The following BCAR3 variants were observed in gnomAD, a reference collection of about 807,000 sequenced individuals.
The protein encoded by BCAR3 is breast cancer anti-estrogen resistance protein 3.
BCAR3 carries 37 observed loss-of-function variants against 80.1 expected under a neutral mutation model. That is an observed-to-expected ratio of 0.46 (90% CI 0.36 to 0.61). The LOEUF (loss-of-function observed/expected upper bound fraction) is 0.61, where lower values mean the gene tolerates loss of function less well. Among genes scored for constraint, BCAR3 ranks in the 20% least tolerant of loss-of-function variants. BCAR3 has a pLI of 0.00. For missense variants in BCAR3, 978 were observed against 1,068.2 expected, an observed-to-expected ratio of 0.92 and a Z score of 1.18; for synonymous variants, 389 against 418.9, an observed-to-expected ratio of 0.93 and a Z score of 0.87.
At chr1:93,836,458 A>G (rs1034512551) in intron 2 of BCAR3, among the ~76,000 whole-genome samples, 5 of 151,460 alleles carry the variant, frequency 3.3e-5, no homozygotes, top group African/African-American at 1.2e-4. Flanking sequence ...GCCATCACCA[A>G]TCATTCTATA....
At chr1:93,842,448 G>T (rs1274615666) in intron 2 of BCAR3, among the ~76,000 whole-genome samples, 2 of 152,068 alleles carry the variant, frequency 1.3e-5, no homozygotes, top group African/African-American at 2.4e-5. Flanking sequence ...TACCTACCAC[G>T]CCTGGACTAT....
chr1:93,645,004 G>A (rs79397437), intron 2 of BCAR3, among the ~76,000 whole-genome samples: 1,862 of 152,246 alleles, frequency 0.012, 41 homozygotes, highest in African/African-American at 0.043. Flanking sequence ...GCATATTTGC[G>A]TGAGAAACTG....
At chr1:93,570,293 G>C (rs1008605316) in intron 9 of BCAR3, among the ~76,000 whole-genome samples, 2 of 152,202 alleles carry the variant, frequency 1.3e-5, no homozygotes, top group African/African-American at 4.8e-5. Flanking sequence ...ATTTCAGTGA[G>C]TACCTGGCAG....
intron 11 of BCAR3, 101 bp from the exon 12 acceptor site, chr1:93,562,520 A>G: frequency 1.8e-6 from 2 of 1,119,286 alleles, no homozygotes; most frequent in South Asian, 3.2e-5. Context: ...CTGTAATCCC[A>G]GCACTTTGGG....
chr1:93,799,040 A>G (rs17110498), intron 2 of BCAR3, among the ~76,000 whole-genome samples: 19,132 of 152,192 alleles, frequency 0.13, 1,803 homozygotes, highest in African/African-American at 0.25. Flanking sequence ...ATGTGAATTC[A>G]AAAAAGCTTC....
intron 2 of BCAR3, among the ~76,000 whole-genome samples, chr1:93,827,043 A>C (rs1654396859): frequency 6.6e-6 from 1 of 152,146 alleles, no homozygotes; most frequent in African/African-American, 2.4e-5. Context: ...AGGGACTGTG[A>C]CCTATTTGTT....
At chr1:93,648,652 C>T (rs1297187328) in intron 2 of BCAR3, 1 of 152,196 alleles carries the variant, frequency 6.6e-6, no homozygotes, top group Non-Finnish European at 1.5e-5. Flanking sequence ...TGTGATTAAA[C>T]CTTCCTAATT....
chr1:93,683,088 A>G (rs181318042), upstream of BCAR3, among the ~76,000 whole-genome samples: 1 of 152,220 alleles, frequency 6.6e-6, no homozygotes. Context: ...TGCAACACAT[A>G]CATCCAAAAA....
chr1:93,779,469 TGAA>T (rs1652694117), intron 2 of BCAR3, among the ~76,000 whole-genome samples: 1 of 151,972 alleles, frequency 6.6e-6, no homozygotes, highest in Non-Finnish European at 1.5e-5. Flanking sequence ...ATAAGTAAAA[TGAA>T]GAAAAATAAA....
At chr1:93,739,131 C>T (rs959351079) in intron 2 of BCAR3, among the ~76,000 whole-genome samples, 5 of 152,180 alleles carry the variant, frequency 3.3e-5, no homozygotes, top group Admixed American at 6.5e-5. Context: ...GGGTTTCAAG[C>T]GGTACAACTG....
At chr1:93,838,463 C>T (rs1292545980) in intron 2 of BCAR3, among the ~76,000 whole-genome samples, 1 of 152,162 alleles carries the variant, frequency 6.6e-6, no homozygotes, top group East Asian at 1.9e-4. Flanking sequence ...ACCCTCATTA[C>T]CCAAATACCC....
chr1:93,652,126 C>T (rs778500989), intron 2 of BCAR3, among the ~76,000 whole-genome samples: 1 of 152,214 alleles, frequency 6.6e-6, no homozygotes, highest in Non-Finnish European at 1.5e-5. Flanking sequence ...TAGTGCTGCT[C>T]CCAGGTGAAC....
intron 3 of BCAR3, among the ~76,000 whole-genome samples, chr1:93,625,128 G>A (rs974515922): frequency 1.3e-5 from 2 of 152,150 alleles, no homozygotes; most frequent in East Asian, 1.9e-4. Context: ...GGAGAATGGC[G>A]TGAACCCAGG....
At chr1:93,802,722 C>G (rs1653525314) in intron 2 of BCAR3, among the ~76,000 whole-genome samples, 1 of 152,228 alleles carries the variant, frequency 6.6e-6, no homozygotes, top group Non-Finnish European at 1.5e-5. Context: ...GAGTGAGAGA[C>G]AGTGGAAACT....
At chr1:93,847,607 C>T (rs1052453225), upstream of BCAR3, 1 of 152,618 alleles carries the variant, frequency 6.6e-6, no homozygotes, top group Non-Finnish European at 1.5e-5. Context: ...CATTGGACTT[C>T]TAGAGGCTGA....
rs368408896 is a variant in BCAR3 at position 93,774,483 on chromosome 1, C to CAAA, written c.-62-68344_-62-68342dup. On this transcript the variant is annotated intron_variant, in intron 2 of 13. Transcript: ENST00000370244. ...TGATCAACAGAGCGAGATTCTGTTT[C>CAAA]AAAAAAAAAAAAAAAAGACAAGCAA... is the stretch of plus-strand genomic sequence containing the variant. Among the ~76,000 whole-genome samples the CAAA allele has an allele frequency of 1.7e-4, 21 of 124,454 alleles. 1 individual carries two copies. The highest frequency in any genetic ancestry group is 2.7e-4 in the African/African-American group (9 of 33,424). The allele number at this position is 124,454 out of a possible 152,430, so 81.6% of individuals were successfully genotyped here.
chr1:93,567,217 C>T, intron 11 of BCAR3, 62 bp downstream of exon 11: 2 of 1,561,286 alleles, frequency 1.3e-6, no homozygotes, highest in Non-Finnish European at 1.8e-6. Context: ...CCATGCTCTT[C>T]CATTCCTTCA....
chr1:93,604,227 A>T (rs781404913), intron 3 of BCAR3, among the ~76,000 whole-genome samples: 2 of 152,220 alleles, frequency 1.3e-5, no homozygotes, highest in Non-Finnish European at 2.9e-5. Context: ...CTTTTCACAG[A>T]TGAGTGAGGA....
intron 1 of BCAR3, among the ~76,000 whole-genome samples, chr1:93,675,918 T>TAGGA (rs1238291548): frequency 3.0e-5 from 1 of 33,250 alleles, no homozygotes; most frequent in Non-Finnish European, 5.6e-5. Context: ...GGAAAAGAAA[T>TAGGA]AGGAGACAAA....
Sources: gnomAD v4.1 joint callset for allele counts (sites outside exome capture counted in the v4.1 genomes callset) on GRCh38, gnomAD v4.1.1 for gene constraint, MANE v1.5 for transcripts, NCBI Gene and HGNC (gene_info 2026-07-23, HGNC 2026-07-21) for gene names.